Variants in OSBP2 observed in about 807,000 individuals in gnomAD.
The protein encoded by OSBP2 is oxysterol-binding protein 2.
A neutral mutation model predicts 96.0 loss-of-function variants in OSBP2; 66 were observed. That is an observed-to-expected ratio of 0.69 (90% CI 0.56 to 0.84). The LOEUF (loss-of-function observed/expected upper bound fraction) is 0.84. Ranked by LOEUF, OSBP2 falls within the 40% of genes least tolerant of loss-of-function variation. The pLI is 0.00. For missense variants in OSBP2, 1,038 were observed against 1,222.7 expected, an observed-to-expected ratio of 0.85 and a Z score of 2.25; for synonymous variants, 525 against 520.9, an observed-to-expected ratio of 1.01 and a Z score of -0.11.
rs773485526 is a variant in OSBP2, at chr22:30,890,857, G to A, written c.1753G>A (p.Val585Met). Residue 585 changes from valine to methionine, a missense_variant, in exon 8 of 14, where the codon GTG becomes ATG. By Grantham distance (21) the Val-to-Met change is conservative. Transcript: ENST00000332585. This position sits in a 1 kb window ranked among gnomAD's most constrained non-coding sequence, Gnocchi z 4.4. ...EQMCLVAAFS[V>M]SSYSTTVHRI... ...GATGTGCCTGGTGGCCGCCTTCTCT[G>A]TGTCCTCCTACTCCACCACAGTGCA... 8 of 1,613,806 alleles carry A rather than the reference G, an allele frequency of 5.0e-6. No individual in the cohort carries two copies. The highest frequency in any genetic ancestry group is 5.1e-6 in the Non-Finnish European group (6 of 1,180,032).
chr22:30,898,796 G>A (rs1032026505), intron 12 of OSBP2, among the ~76,000 whole-genome samples: 7 of 151,822 alleles, frequency 4.6e-5, no homozygotes, highest in African/African-American at 1.7e-4. Flanking sequence ...GGCTGAGGCG[G>A]GAGGATTGCT....
chr22:30,861,637 G>T (rs891712588), intron 2 of OSBP2, among the ~76,000 whole-genome samples: 1 of 152,150 alleles, frequency 6.6e-6, no homozygotes, highest in Non-Finnish European at 1.5e-5. Context: ...GTCTTCAGCC[G>T]CCTGCCTCTT....
chr22:30,773,901 G>C (rs1027437809), intron 2 of OSBP2, among the ~76,000 whole-genome samples: 1 of 152,200 alleles, frequency 6.6e-6, no homozygotes, highest in African/African-American at 2.4e-5. Flanking sequence ...TTAGCAAGGG[G>C]CAGTCCGGTG....
intron 2 of OSBP2, among the ~76,000 whole-genome samples, chr22:30,844,063 C>T (rs1457611338): frequency 3.3e-5 from 5 of 151,976 alleles, no homozygotes; most frequent in African/African-American, 9.7e-5. Context: ...TTTGTAGACA[C>T]AGAGTTTTAC....
intron 3 of OSBP2, among the ~76,000 whole-genome samples, chr22:30,877,613 G>A (rs751807201): frequency 3.3e-5 from 5 of 152,210 alleles, no homozygotes; most frequent in Non-Finnish European, 7.3e-5. Context: ...CTGCAGGCCA[G>A]GGCAGCAGAG....
At chr22:30,774,661 G>A (rs1022852260) in intron 2 of OSBP2, among the ~76,000 whole-genome samples, 1 of 152,042 alleles carries the variant, frequency 6.6e-6, no homozygotes, top group Non-Finnish European at 1.5e-5. Context: ...CAAGAATTCC[G>A]GACAATCTAG....
chr22:30,889,198 C>G lies in OSBP2; in HGVS notation c.1440C>G (p.Thr480=). 6.2e-7 allele frequency: 1 copy of G among 1,613,398 alleles called. No homozygotes were observed. Among genetic ancestry groups the G allele is most frequent in the Non-Finnish European group, 8.5e-7 (1 of 1,179,816 alleles). ...CCAGCAGAAAAGCTGAAGGTAGCACCGGGACAAGTTCCGTGGACTGGAGCT... is the reference window on the plus strand; with the variant it reads ...CCAGCAGAAAAGCTGAAGGTAGCACGGGGACAAGTTCCGTGGACTGGAGCT... ...KEDSRKAEGS[T]GTSSVDWSSA... Residue 480 remains threonine (T), a synonymous_variant, in exon 6 of 14, where the codon ACC becomes ACG. Transcript: ENST00000332585.
intron 2 of OSBP2, among the ~76,000 whole-genome samples, chr22:30,796,036 C>T (rs136287): frequency 0.18 from 27,969 of 152,200 alleles, 2,682 homozygotes; most frequent in Middle Eastern, 0.23. Context: ...TGGTTTCTCT[C>T]ACTGGTTCTT....
At chr22:30,827,282 A>G (rs2038424700) in intron 2 of OSBP2, among the ~76,000 whole-genome samples, 1 of 152,100 alleles carries the variant, frequency 6.6e-6, no homozygotes, top group Admixed American at 6.5e-5. Flanking sequence ...TGTGGAAAGG[A>G]GGCCTCATGG....
At chr22:30,899,613 T>C (rs1383261373) in intron 12 of OSBP2, among the ~76,000 whole-genome samples, 1 of 152,100 alleles carries the variant, frequency 6.6e-6, no homozygotes, top group East Asian at 1.9e-4. Flanking sequence ...AAAGGAAATA[T>C]TCACCTCTCC....
At chr22:30,880,490 C>T (rs978868442) in intron 3 of OSBP2, among the ~76,000 whole-genome samples, 1 of 152,216 alleles carries the variant, frequency 6.6e-6, no homozygotes, top group Non-Finnish European at 1.5e-5. Context: ...TGGCCCATCT[C>T]CCCACCTCCT....
chr22:30,777,608 G>A (rs2090453484), intron 2 of OSBP2, among the ~76,000 whole-genome samples: 1 of 152,152 alleles, frequency 6.6e-6, no homozygotes, highest in Non-Finnish European at 1.5e-5. Context: ...AGAAATGCCT[G>A]GTCACACTGG....
chr22:30,732,565 A>C (rs968427474), intron 1 of OSBP2, among the ~76,000 whole-genome samples: 7 of 152,138 alleles, frequency 4.6e-5, no homozygotes, highest in Non-Finnish European at 7.4e-5. Flanking sequence ...GATCAGTGGA[A>C]TCTTTGTTTC....
At chr22:30,721,720 T>G (rs2089555944) in intron 1 of OSBP2, among the ~76,000 whole-genome samples, 1 of 152,202 alleles carries the variant, frequency 6.6e-6, no homozygotes, top group Admixed American at 6.5e-5. Context: ...ATTGTATGTC[T>G]CACCATCAGA....
intron 2 of OSBP2, among the ~76,000 whole-genome samples, chr22:30,754,724 C>T (rs1206659178): frequency 6.6e-6 from 1 of 152,182 alleles, no homozygotes; most frequent in Non-Finnish European, 1.5e-5. Flanking sequence ...CTTGGGGTCT[C>T]CATGTGTGTC....
At position 30,890,685 on chromosome 22, in the gene OSBP2, C is replaced by T. The variant is rs371688811; in HGVS notation, c.1624-43C>T. On this transcript the variant is annotated intron_variant, in intron 7 of 13. Coordinates refer to ENST00000332585, the MANE Select transcript of OSBP2 (RefSeq NM_030758.4). This position sits in a 1 kb window ranked among gnomAD's most constrained non-coding sequence, Gnocchi z 4.4. ...GAAAAGCAAGGGCACCATGCCAAGC[C>T]GGGGCTGGTGCCCAGCCTGACCACC... The T allele has an allele frequency of 1.1e-5, 17 of 1,600,640 alleles. No homozygotes were observed. The highest frequency in any genetic ancestry group is 5.5e-5 in the South Asian group (5 of 90,912).
chr22:30,701,492 T>C (rs945623217), intron 1 of OSBP2, among the ~76,000 whole-genome samples: 14 of 151,844 alleles, frequency 9.2e-5, no homozygotes, highest in Non-Finnish European at 2.1e-4. Context: ...TACAGGCACC[T>C]GCCACCACAC....
At chr22:30,756,305 G>C (rs1409051832) in intron 2 of OSBP2, among the ~76,000 whole-genome samples, 4 of 152,168 alleles carry the variant, frequency 2.6e-5, no homozygotes, top group African/African-American at 9.7e-5. Flanking sequence ...CCAGGCACTA[G>C]ACAGGTTGGG....
At chr22:30,820,986 T>C (rs1201487204) in intron 2 of OSBP2, among the ~76,000 whole-genome samples, 2 of 152,236 alleles carry the variant, frequency 1.3e-5, no homozygotes, top group Non-Finnish European at 2.9e-5. Context: ...GAAAAAGCTT[T>C]AAATTGGTGA....
Sources: gnomAD v4.1 joint callset for allele counts (sites outside exome capture counted in the v4.1 genomes callset) on GRCh38, gnomAD v4.1.1 for gene constraint, Gnocchi (gnomAD v3.1) non-coding constraint, MANE v1.5 for transcripts, NCBI Gene and HGNC (gene_info 2026-07-23, HGNC 2026-07-21) for gene names.